The following CHN2 variants were observed in gnomAD, a reference collection of about 807,000 sequenced individuals.
CHN2 encodes beta-chimaerin.
A neutral mutation model predicts 56.3 loss-of-function variants in CHN2; 35 were observed. The ratio of observed to expected loss-of-function variants is 0.62; its 90% CI spans 0.47 to 0.82. The LOEUF is 0.82. Among genes scored for constraint, CHN2 ranks in the 40% least tolerant of loss-of-function variants. CHN2 has a pLI of 0.00. For missense variants in CHN2, 491 were observed against 580.5 expected, an observed-to-expected ratio of 0.85 and a Z score of 1.58; for synonymous variants, 210 against 212.8, an observed-to-expected ratio of 0.99 and a Z score of 0.12.
rs184772867 is a variant in CHN2 at position 29,203,702 on chromosome 7, A to G, written c.49+8712A>G. Among the ~76,000 whole-genome samples the G allele has an allele frequency of 2.7e-4, 41 of 152,324 alleles. 1 individual carries two copies. In the East Asian group the frequency reaches 7.2e-3, roughly 27 times the overall value. On this transcript the variant is annotated intron_variant, in intron 1 of 12. Coordinates refer to ENST00000222792, the MANE Select transcript of CHN2 (RefSeq NM_004067.4). ...TACAAAACCTGCTGATGCACTGCTC[A>G]GTGGCTCCTGTAGCCCTGTCTACTT... is the stretch of plus-strand genomic sequence containing the variant.
intron 1 of CHN2, among the ~76,000 whole-genome samples, chr7:29,314,534 A>C (rs756006546): frequency 6.6e-6 from 1 of 152,232 alleles, no homozygotes; most frequent in Non-Finnish European, 1.5e-5. Context: ...TGATGTGTGC[A>C]TTTTGTCACA....
rs186726932 is a variant in CHN2 at position 29,505,409 on chromosome 7, G to A, written c.991+588G>A. Among the ~76,000 whole-genome samples the A allele has an allele frequency of 7.4e-4, 113 of 152,282 alleles. 1 individual carries two copies. Among genetic ancestry groups the A allele is most frequent in the Admixed American group, 6.4e-3 (98 of 15,292 alleles). ...CAAGACATGGAAGCCCTACTGGATA[G>A]AGCCTACTGGATAGAGCCTCTACTT... On this transcript the variant is annotated intron_variant, in intron 10 of 12. Coordinates refer to ENST00000222792, the MANE Select transcript of CHN2 (RefSeq NM_004067.4).
chr7:29,194,852 G>C lies in CHN2; in HGVS notation c.-90G>C, dbSNP rs953455085. ...CCCAGGACTTTGCCATGGGCTGGGG[G>C]CCGCGGAGGCTGCGAGCGGCCGGGC... On this transcript the variant is annotated 5_prime_UTR_variant, in exon 1 of 13. Coordinates refer to ENST00000222792, the MANE Select transcript of CHN2 (RefSeq NM_004067.4). The C allele has an allele frequency of 2.4e-6, 3 of 1,230,688 alleles. No homozygotes were observed. The South Asian group carries it at 6.4e-5, about 26-fold the overall frequency. 76.2% of individuals were successfully genotyped at this position (1,230,688 alleles called of 1,614,324 possible). A position where few individuals can be genotyped will look rare whatever the true frequency, so the allele number is the denominator to read the frequency against.
chr7:29,458,552 C>T (rs944932399), intron 6 of CHN2, among the ~76,000 whole-genome samples: 12 of 152,058 alleles, frequency 7.9e-5, no homozygotes, highest in African/African-American at 2.2e-4. Context: ...AATGTATTCC[C>T]GGTGCCTGGA....
chr7:29,148,703 T>C (rs1793123053), intron 2 of CHN2: 1 of 152,240 alleles, frequency 6.6e-6, no homozygotes, highest in Admixed American at 6.5e-5. Flanking sequence ...TGTCAGGTTC[T>C]GTGCTAGACA....
chr7:29,439,792 G>A (rs1033069128), intron 6 of CHN2, among the ~76,000 whole-genome samples: 1 of 152,182 alleles, frequency 6.6e-6, no homozygotes, highest in Admixed American at 6.5e-5. Context: ...CACTGTGGAT[G>A]TTGAATTAAA....
intron 1 of CHN2, among the ~76,000 whole-genome samples, chr7:29,296,807 G>T (rs1186581562): frequency 6.6e-6 from 1 of 152,206 alleles, no homozygotes; most frequent in Admixed American, 6.5e-5. Context: ...GATGTTTAAT[G>T]AACTTACTAT....
chr7:29,500,101 C>T (rs775412009), intron 9 of CHN2, 61 bp downstream of exon 9: 45 of 1,326,840 alleles, frequency 3.4e-5, no homozygotes, highest in Non-Finnish European at 3.9e-5. Context: ...TTTGTTTTTA[C>T]TGTTGTCAAG....
chr7:29,395,138 G>A (rs970559272), intron 4 of CHN2, among the ~76,000 whole-genome samples: 1 of 152,200 alleles, frequency 6.6e-6, no homozygotes, highest in African/African-American at 2.4e-5. Flanking sequence ...TACCTTTAGG[G>A]AGAGAGGAAT....
intron 1 of CHN2, among the ~76,000 whole-genome samples, chr7:29,290,260 A>G (rs1023328884): frequency 1.5e-4 from 23 of 152,162 alleles, no homozygotes; most frequent in African/African-American, 5.6e-4. Flanking sequence ...TGTTCTGGCT[A>G]TATTTTGTCT....
chr7:29,205,563 C>T (rs770322009), intron 1 of CHN2, among the ~76,000 whole-genome samples: 3 of 152,178 alleles, frequency 2.0e-5, no homozygotes, highest in African/African-American at 7.2e-5. Context: ...AGGTTCCTTT[C>T]CTGAGTGGTA....
chr7:29,506,485 A>C (rs1350259189), intron 10 of CHN2, among the ~76,000 whole-genome samples: 1 of 152,002 alleles, frequency 6.6e-6, no homozygotes, highest in African/African-American at 2.4e-5. Context: ...AAAAATACAA[A>C]AATTAGCCAG....
chr7:29,450,719 C>T (rs1784344810), intron 6 of CHN2, among the ~76,000 whole-genome samples: 1 of 152,102 alleles, frequency 6.6e-6, no homozygotes, highest in Non-Finnish European at 1.5e-5. Context: ...ATAGCAGCCA[C>T]AGAAAACTAA....
At chr7:29,480,148 A>G (rs1787005025) in intron 6 of CHN2, 131 bp from the exon 7 acceptor site, 4 of 1,572,696 alleles carry the variant, frequency 2.5e-6, no homozygotes, top group Admixed American at 1.9e-5. Context: ...AATGAGAAAA[A>G]GTGTGCTGTG....
chr7:29,267,094 CT>C (rs1420664499), intron 1 of CHN2, among the ~76,000 whole-genome samples: 2 of 152,184 alleles, frequency 1.3e-5, no homozygotes, highest in Admixed American at 1.3e-4. Flanking sequence ...GCTCTTAGAA[CT>C]TTTTACTCCG....
intron 2 of CHN2, among the ~76,000 whole-genome samples, chr7:29,176,285 G>A (rs1797331424): frequency 6.6e-6 from 1 of 152,004 alleles, no homozygotes; most frequent in Non-Finnish European, 1.5e-5. Flanking sequence ...AATAGGTCCT[G>A]AGCAGGATAA....
At chr7:29,416,401 A>G (rs1332833680) in intron 6 of CHN2, among the ~76,000 whole-genome samples, 1 of 152,228 alleles carries the variant, frequency 6.6e-6, no homozygotes, top group Non-Finnish European at 1.5e-5. Flanking sequence ...TACTTAAGAG[A>G]GCAAAGGTTT....
intron 1 of CHN2, among the ~76,000 whole-genome samples, chr7:29,284,142 C>T (rs193287184): frequency 6.6e-6 from 1 of 151,998 alleles, no homozygotes; most frequent in Non-Finnish European, 1.5e-5. Flanking sequence ...CTGTCCCAGG[C>T]TGAAGTGCAG....
intron 3 of CHN2, among the ~76,000 whole-genome samples, chr7:29,371,891 C>T (rs114199815): frequency 0.015 from 2,234 of 152,156 alleles, 79 homozygotes; most frequent in African/African-American, 0.051. Context: ...TGGTTTGGGC[C>T]ATTGTCATTT....
Sources: allele counts gnomAD v4.1 joint callset (sites outside exome capture counted in the v4.1 genomes callset), GRCh38; gene constraint gnomAD v4.1.1; transcripts MANE v1.5; gene names NCBI Gene and HGNC (gene_info 2026-07-23, HGNC 2026-07-21).